The following ZFHX3 variants were observed in gnomAD, a reference collection of about 807,000 sequenced individuals.
ZFHX3 encodes zinc finger homeobox 3, also known as zinc finger homeobox protein 3.
ZFHX3 carries 42 observed loss-of-function variants against 279.1 expected under a neutral mutation model. The observed-to-expected ratio is 0.15, with a 90% CI of 0.12 to 0.19. ZFHX3 has a LOEUF of 0.19. Among genes scored for constraint, ZFHX3 ranks in the 10% least tolerant of loss-of-function variants. The pLI, the probability that ZFHX3 is intolerant of heterozygous loss-of-function variation, is 1.00. For synonymous variants in ZFHX3, 2,293 were observed against 1,957.8 expected, an observed-to-expected ratio of 1.17 and a Z score of -4.52; for missense variants, 4,981 against 4,754.0, an observed-to-expected ratio of 1.05 and a Z score of -1.40.
At chr16:73,584,992 T>C (rs1017953651) in intron 2 of ZFHX3, among the ~76,000 whole-genome samples, 1 of 152,176 alleles carries the variant, frequency 6.6e-6, no homozygotes, top group African/African-American at 2.4e-5. Flanking sequence ...TCAACATCAC[T>C]AATCATTAAA....
intron 1 of ZFHX3, among the ~76,000 whole-genome samples, chr16:73,021,266 G>A (rs1214401235): frequency 6.6e-6 from 1 of 152,172 alleles, no homozygotes; most frequent in African/African-American, 2.4e-5. Flanking sequence ...AGGGCCTGCT[G>A]AGCTGGCCAG....
chr16:73,610,511 C>T (rs2052234536), intron 2 of ZFHX3, among the ~76,000 whole-genome samples: 1 of 152,088 alleles, frequency 6.6e-6, no homozygotes, highest in South Asian at 2.1e-4. Context: ...TAAAAGCACT[C>T]CAAGGCACCT....
At chr16:73,044,462 C>T (rs1048085817) in intron 1 of ZFHX3, among the ~76,000 whole-genome samples, 6 of 152,318 alleles carry the variant, frequency 3.9e-5, no homozygotes, top group South Asian at 2.1e-4. Flanking sequence ...TACTGACAGG[C>T]ATCTTCAGTG....
chr16:73,554,521 C>G (rs1485636590), intron 2 of ZFHX3: 3 of 152,218 alleles, frequency 2.0e-5, no homozygotes, highest in Non-Finnish European at 2.9e-5. Flanking sequence ...TCTTCACTTT[C>G]CCGCCTTCTC....
intron 3 of ZFHX3, among the ~76,000 whole-genome samples, chr16:72,934,454 A>T (rs1960005927): frequency 6.6e-6 from 1 of 152,178 alleles, no homozygotes; most frequent in East Asian, 1.9e-4. Context: ...AGTATCCACA[A>T]GTATGTGAGA....
At chr16:73,779,686 A>C (rs917029478) in intron 1 of ZFHX3, among the ~76,000 whole-genome samples, 1 of 152,224 alleles carries the variant, frequency 6.6e-6, no homozygotes, top group Admixed American at 6.5e-5. Context: ...CCGTTGTACA[A>C]CAACAAAGAT....
intron 4 of ZFHX3, among the ~76,000 whole-genome samples, chr16:72,863,875 G>T (rs991639418): frequency 6.6e-6 from 1 of 152,262 alleles, no homozygotes; most frequent in African/African-American, 2.4e-5. Flanking sequence ...TCTGCACTTT[G>T]GGAGGCCGAG....
At chr16:73,873,105 G>A (rs866121896) in intron 1 of ZFHX3, among the ~76,000 whole-genome samples, 15 of 67,620 alleles carry the variant, frequency 2.2e-4, no homozygotes, top group Middle Eastern at 6.6e-3. Flanking sequence ...GGTAGTGGGT[G>A]GTGGGTGGTA....
chr16:73,757,101 G>T (rs1036811181), intron 1 of ZFHX3, among the ~76,000 whole-genome samples: 4 of 152,164 alleles, frequency 2.6e-5, no homozygotes, highest in African/African-American at 9.7e-5. Context: ...AACAGCTGTG[G>T]GAATCTGAAA....
upstream of ZFHX3, among the ~76,000 whole-genome samples, chr16:73,049,937 G>A (rs1965418837): frequency 6.6e-6 from 1 of 152,112 alleles, no homozygotes; most frequent in African/African-American, 2.4e-5. Flanking sequence ...ACATGAAGAT[G>A]ACGTATGCTA....
intron 1 of ZFHX3, among the ~76,000 whole-genome samples, chr16:73,873,413 T>C (rs917931964): frequency 3.3e-5 from 5 of 151,102 alleles, no homozygotes; most frequent in Admixed American, 2.6e-4. Flanking sequence ...CTTAGATCCA[T>C]GGAAAACACA....
intron 2 of ZFHX3, among the ~76,000 whole-genome samples, chr16:73,643,726 C>T (rs1032209959): frequency 2.0e-5 from 3 of 152,198 alleles, no homozygotes; most frequent in Admixed American, 6.5e-5. Flanking sequence ...TAACAGAATG[C>T]TCACTCTGCC....
chr16:73,569,592 C>T (rs529345694), intron 2 of ZFHX3, among the ~76,000 whole-genome samples: 2 of 152,242 alleles, frequency 1.3e-5, no homozygotes, highest in South Asian at 4.1e-4. Context: ...GCAGACTGAG[C>T]TAAATGAATC....
intron 3 of ZFHX3, among the ~76,000 whole-genome samples, chr16:73,359,384 C>G (rs921508230): frequency 1.3e-5 from 2 of 151,996 alleles, no homozygotes; most frequent in African/African-American, 4.8e-5. Flanking sequence ...AAGGTGAGTA[C>G]TGGGGGAAAA....
At chr16:73,746,575 T>C (rs1428952645) in intron 1 of ZFHX3, among the ~76,000 whole-genome samples, 1 of 152,196 alleles carries the variant, frequency 6.6e-6, no homozygotes, top group African/African-American at 2.4e-5. Context: ...ACTTCTGTCC[T>C]GTGACGAGTG....
chr16:73,798,982 A>T (rs1960073511), intron 1 of ZFHX3, among the ~76,000 whole-genome samples: 1 of 152,200 alleles, frequency 6.6e-6, no homozygotes, highest in African/African-American at 2.4e-5. Context: ...CAGCTTTCCT[A>T]AGTCCATGCT....
At chr16:73,858,785 T>C (rs1175708812) in intron 1 of ZFHX3, among the ~76,000 whole-genome samples, 2 of 152,210 alleles carry the variant, frequency 1.3e-5, no homozygotes, top group Non-Finnish European at 2.9e-5. Context: ...AGGTAGATCA[T>C]ATCATGATGA....
At chr16:73,060,876 C>T (rs1965674749), upstream of ZFHX3, 1 of 152,076 alleles carries the variant, frequency 6.6e-6, no homozygotes, top group Non-Finnish European at 1.5e-5. Flanking sequence ...GAAAGTAATT[C>T]TTCATTTTGA....
rs1305802510 is a variant in ZFHX3, at chr16:73,523,494, G to T, written c.-1546-67236C>A. On this transcript the variant is annotated intron_variant, in intron 2 of 17. Transcript: ENST00000641206. ...TCTGAGTTCATTGACATACATGGGG[G>T]TATGCTTTACACCCAGTGGCATTTT... 2.6e-5 allele frequency among the ~76,000 whole-genome samples: 4 copies of T among 152,226 alleles called. No homozygotes were observed. The South Asian group carries it at 6.2e-4, about 24-fold the overall frequency.
Sources: allele counts gnomAD v4.1 joint callset (sites outside exome capture counted in the v4.1 genomes callset), GRCh38; gene constraint gnomAD v4.1.1; transcripts MANE v1.5; gene names NCBI Gene and HGNC (gene_info 2026-07-23, HGNC 2026-07-21).